Variants in CLCN3 observed in about 807,000 individuals in gnomAD.
CLCN3 encodes the protein Cl-/H+ antiporter 3.
Under a neutral mutation model 83.4 loss-of-function variants are expected in CLCN3, and 16 were observed. The ratio of observed to expected loss-of-function variants is 0.19; its 90% confidence interval spans 0.13 to 0.29. CLCN3 has a LOEUF of 0.29. Ranked by LOEUF, CLCN3 falls within the 10% of genes least tolerant of loss-of-function variation. CLCN3 has a pLI of 1.00. For synonymous variants in CLCN3, 322 were observed against 346.2 expected, an observed-to-expected ratio of 0.93 and a Z score of 0.78; for missense variants, 544 against 1,006.0, an observed-to-expected ratio of 0.54 and a Z score of 6.21.
chr4:169,708,869 T>C (rs1733089629), intron 11 of CLCN3, among the ~76,000 whole-genome samples: 1 of 151,594 alleles, frequency 6.6e-6, no homozygotes, highest in African/African-American at 2.4e-5. Context: ...TTAAATGTTT[T>C]ACCGTGTATG....
chr4:169,642,414 G>A (rs1324581072), intron 2 of CLCN3, among the ~76,000 whole-genome samples: 1 of 152,200 alleles, frequency 6.6e-6, no homozygotes, highest in African/African-American at 2.4e-5. Context: ...ATTATGAAGT[G>A]TTTACTAGCT....
At chr4:169,687,177 T>C (rs1280313954) in intron 3 of CLCN3, among the ~76,000 whole-genome samples, 1 of 152,240 alleles carries the variant, frequency 6.6e-6, no homozygotes, top group African/African-American at 2.4e-5. Flanking sequence ...ATATAAAAGA[T>C]GGTTATGTGT....
intron 5 of CLCN3, 137 bp from the exon 6 acceptor site, chr4:169,690,393 G>T: frequency 1.2e-6 from 1 of 802,078 alleles, no homozygotes; most frequent in East Asian, 2.8e-5. Context: ...TGATCCACCC[G>T]CCTCAACCTC....
intron 9 of CLCN3, among the ~76,000 whole-genome samples, chr4:169,698,139 T>G (rs986955213): frequency 1.2e-4 from 18 of 152,336 alleles, no homozygotes; most frequent in African/African-American, 4.3e-4. Context: ...TATATAGTTT[T>G]GGGGTATATG....
intron 2 of CLCN3, chr4:169,643,119 A>G (rs1404541032): frequency 6.6e-6 from 1 of 152,240 alleles, no homozygotes; most frequent in Non-Finnish European, 1.5e-5. Flanking sequence ...TTCTTTAGCA[A>G]CAGAACACAA....
chr4:169,685,451 T>C (rs1732117948), intron 3 of CLCN3, among the ~76,000 whole-genome samples: 1 of 152,200 alleles, frequency 6.6e-6, no homozygotes, highest in Admixed American at 6.5e-5. Context: ...TTTAAAAATA[T>C]AAGCATAAAT....
At chr4:169,713,722 C>T (rs142871378) in intron 12 of CLCN3, among the ~76,000 whole-genome samples, 30 of 152,228 alleles carry the variant, frequency 2.0e-4, no homozygotes, top group African/African-American at 7.0e-4. Flanking sequence ...GCTATTTACT[C>T]TTTCAGCCAA....
In CLCN3 at chr4:169,630,539, A is replaced by AT. The variant is rs546416923; in HGVS notation, c.-16-5365dup. Among the ~76,000 whole-genome samples, 1,361 of 148,808 alleles carry AT rather than the reference A, an allele frequency of 9.1e-3. 14 individuals carry two copies. The highest frequency in any genetic ancestry group is 0.032 in the African/African-American group (1,276 of 40,424). ...TCTTTTCTTTCCTTTTTTTATTTTTATTTTTTTTTGAGACAGAGTCTTGTT... is the reference window on the plus strand; with the variant it reads ...TCTTTTCTTTCCTTTTTTTATTTTTATTTTTTTTTTGAGACAGAGTCTTGTT... On this transcript the variant is annotated intron_variant, in intron 1 of 12. Coordinates refer to ENST00000513761, the MANE Select transcript of CLCN3 (RefSeq NM_001829.4).
intron 2 of CLCN3, 61 bp from the exon 3 acceptor site, chr4:169,679,989 G>T: frequency 7.8e-7 from 1 of 1,288,826 alleles, no homozygotes; most frequent in East Asian, 2.3e-5. Flanking sequence ...TTCTAAGAAG[G>T]TCACTTAGCT....
chr4:169,626,416 A>G (rs1439592741), intron 1 of CLCN3, among the ~76,000 whole-genome samples: 1 of 152,220 alleles, frequency 6.6e-6, no homozygotes, highest in African/African-American at 2.4e-5. Context: ...TGATTGGACA[A>G]AAAGAGTATG....
rs1773089565 is a variant in CLCN3 at position 169,620,670 on chromosome 4, C to T, written c.-410C>T. 2.5e-6 allele frequency: 1 copy of T among 398,166 alleles called. No homozygotes were observed. The highest frequency in any genetic ancestry group is 2.1e-5 in the African/African-American group (1 of 48,628). 24.7% of individuals were successfully genotyped at this position (398,166 alleles called of 1,614,324 possible). A position where few individuals can be genotyped will look rare whatever the true frequency, so the allele number is the denominator to read the frequency against. ...TTCGCCCGTGACCCGGAATAATGAG[C>T]AAGGAGGGTGTGGTGGGTTGAAAGC... On this transcript the variant is annotated 5_prime_UTR_variant, in exon 1 of 13. Transcript: ENST00000513761.
At position 169,635,036 on chromosome 4, in the gene CLCN3, C is replaced by G. The variant is rs1413310321; in HGVS notation, c.-16-877C>G. ...GAAGAGATTGTCTTAAAACACTCCA[C>G]GTCTTCAGTGTTAGAATTCACTGCT... On this transcript the variant is annotated intron_variant, in intron 1 of 12. Coordinates refer to ENST00000513761, the MANE Select transcript of CLCN3 (RefSeq NM_001829.4). 2.0e-5 allele frequency among the ~76,000 whole-genome samples: 3 copies of G among 152,126 alleles called. No individual in the cohort carries two copies. In the South Asian group the frequency reaches 6.2e-4, roughly 31 times the overall value.
At chr4:169,671,475 A>G (rs993126884) in intron 2 of CLCN3, among the ~76,000 whole-genome samples, 1 of 152,136 alleles carries the variant, frequency 6.6e-6, no homozygotes, top group Non-Finnish European at 1.5e-5. Context: ...GAGGGAGAGC[A>G]TTAGGACAAA....
At chr4:169,664,563 T>G (rs921388752) in intron 2 of CLCN3, among the ~76,000 whole-genome samples, 1 of 152,206 alleles carries the variant, frequency 6.6e-6, no homozygotes. Flanking sequence ...TAAAAATTAA[T>G]CCATCTAAGT....
intron 11 of CLCN3, 75 bp from the exon 12 acceptor site, chr4:169,713,004 T>A (rs951900110): frequency 9.4e-6 from 10 of 1,058,562 alleles, no homozygotes; most frequent in Non-Finnish European, 1.4e-5. Context: ...TAATTTTTTT[T>A]ATCTCTGAAT....
intron 11 of CLCN3, among the ~76,000 whole-genome samples, chr4:169,707,653 G>A (rs1269972954): frequency 6.6e-6 from 1 of 152,114 alleles, no homozygotes; most frequent in African/African-American, 2.4e-5. Flanking sequence ...ACAAGTTATT[G>A]AAAATCTCAT....
chr4:169,717,566 T>A (rs1265392374), intron 12 of CLCN3, among the ~76,000 whole-genome samples: 1 of 152,120 alleles, frequency 6.6e-6, no homozygotes, highest in Non-Finnish European at 1.5e-5. Context: ...AAAAGAAAAA[T>A]AACCCACCAA....
At chr4:169,703,416 G>A (rs964689091) in intron 9 of CLCN3, among the ~76,000 whole-genome samples, 9 of 152,248 alleles carry the variant, frequency 5.9e-5, no homozygotes, top group South Asian at 2.1e-4. Context: ...TACCATTTCC[G>A]TCATTTGTAA....
intron 2 of CLCN3, chr4:169,660,269 T>G: frequency 1.6e-6 from 2 of 1,269,052 alleles, no homozygotes; most frequent in South Asian, 5.5e-5. Context: ...ATATGGCATC[T>G]CCCTTGCTTG....
Sources: allele counts gnomAD v4.1 joint callset (sites outside exome capture counted in the v4.1 genomes callset), GRCh38; gene constraint gnomAD v4.1.1; transcripts MANE v1.5; gene names NCBI Gene and HGNC (gene_info 2026-07-23, HGNC 2026-07-21).